The following CHD2 variants were observed in gnomAD, a reference collection of about 807,000 sequenced individuals.
The protein encoded by CHD2 is ATP-dependent chromatin remodeler CHD2.
Under a neutral mutation model 243.9 loss-of-function variants are expected in CHD2, and 28 were observed. The ratio of observed to expected loss-of-function variants is 0.11; its 90% CI spans 0.09 to 0.16. The LOEUF (loss-of-function observed/expected upper bound fraction) is 0.16. CHD2 is among the 10% of genes least tolerant of loss of function. CHD2 has a pLI of 1.00. For synonymous variants in CHD2, 775 were observed against 779.0 expected, an observed-to-expected ratio of 0.99 and a Z score of 0.09; for missense variants, 1,386 against 2,209.8, an observed-to-expected ratio of 0.63 and a Z score of 7.47.
intron 5 of CHD2, among the ~76,000 whole-genome samples, chr15:92,929,510 C>T (rs1459079077): frequency 6.6e-6 from 1 of 152,080 alleles, no homozygotes; most frequent in Admixed American, 6.5e-5. Flanking sequence ...TAAGAAATTA[C>T]ATATTGTTGT....
intron 16 of CHD2, among the ~76,000 whole-genome samples, chr15:92,966,992 C>T (rs946055284): frequency 1.3e-5 from 2 of 151,838 alleles, no homozygotes; most frequent in African/African-American, 4.8e-5. Context: ...ATTGGCAGTA[C>T]TGGCACCAGC....
chr15:92,929,176 T>G, intron 5 of CHD2, 85 bp downstream of exon 5: 2 of 1,301,458 alleles, frequency 1.5e-6, no homozygotes, highest in African/African-American at 1.5e-5. Flanking sequence ...GTGTCTTTAG[T>G]CTACTCCAGG....
intron 2 of CHD2, among the ~76,000 whole-genome samples, chr15:92,908,279 C>T (rs1158838842): frequency 6.6e-6 from 1 of 152,122 alleles, no homozygotes; most frequent in Non-Finnish European, 1.5e-5. Context: ...TATTTACAAC[C>T]AATGTCTAAT....
At chr15:92,909,185 T>C (rs182633601) in intron 2 of CHD2, among the ~76,000 whole-genome samples, 25 of 152,270 alleles carry the variant, frequency 1.6e-4, no homozygotes, top group Non-Finnish European at 2.9e-4. Flanking sequence ...CTGAATTCCT[T>C]GTAAGTGTCT....
chr15:92,972,055 A>G, intron 18 of CHD2, 128 bp downstream of exon 18: 1 of 1,105,234 alleles, frequency 9.0e-7, no homozygotes, highest in South Asian at 1.7e-5. Context: ...TAAAAATGGG[A>G]GAGAAAAGGT....
intron 2 of CHD2, among the ~76,000 whole-genome samples, chr15:92,908,737 G>C (rs2052669843): frequency 2.6e-5 from 4 of 152,172 alleles, no homozygotes; most frequent in Admixed American, 2.6e-4. Flanking sequence ...AAGTGGGATA[G>C]GATGCTGACG....
At chr15:92,914,465 A>G (rs1319061446) in intron 2 of CHD2, among the ~76,000 whole-genome samples, 3 of 152,218 alleles carry the variant, frequency 2.0e-5, no homozygotes, top group Non-Finnish European at 2.9e-5. Context: ...GTTTGGTGCT[A>G]TGGAAACTAC....
Position 92,972,451 on chromosome 15 carries a change from T to C in CHD2, c.2505+34T>C, listed in dbSNP as rs771106220. 8.4e-6 allele frequency: 13 copies of C among 1,544,310 alleles called. No homozygotes were observed. The African/African-American group carries it at 1.5e-4, about 18-fold the overall frequency. On this transcript the variant is annotated intron_variant, in intron 19 of 38. Transcript: ENST00000394196. ...ATTTCAGTAATTGCTGTGGGGGGAA[T>C]CAATCTCTCTCTCCGCCTCCCCTCC...
chr15:92,994,403 ATTATT>A, intron 28 of CHD2, among the ~76,000 whole-genome samples: 1 of 152,068 alleles, frequency 6.6e-6, no homozygotes, highest in South Asian at 2.1e-4. Context: ...ATAATAAAAA[ATTATT>A]TTATTATTCA....
rs532927514 is a variant in CHD2, at chr15:93,022,316, T to A, written c.5154-2056T>A. 4.6e-5 allele frequency among the ~76,000 whole-genome samples: 7 copies of A among 152,248 alleles called. No homozygotes were observed. The South Asian group carries it at 1.5e-3, about 32-fold the overall frequency. ...AGAGAGAGAGGAGGAGGTGCCAGCCTCTTTTAAAGCACCAGCTCTCACGTG... is the reference window on the plus strand; with the variant it reads ...AGAGAGAGAGGAGGAGGTGCCAGCCACTTTTAAAGCACCAGCTCTCACGTG... On this transcript the variant is annotated intron_variant, in intron 38 of 38. Transcript: ENST00000394196.
intron 38 of CHD2, among the ~76,000 whole-genome samples, chr15:93,023,966 A>T (rs544228297): frequency 6.7e-6 from 1 of 149,264 alleles, no homozygotes; most frequent in South Asian, 2.1e-4. Context: ...GTTGGTTTTT[A>T]AGATAATTTT....
chr15:92,958,743 A>G (rs1174144753), intron 16 of CHD2, among the ~76,000 whole-genome samples: 1 of 152,228 alleles, frequency 6.6e-6, no homozygotes, highest in Non-Finnish European at 1.5e-5. Context: ...ACTTTGAATG[A>G]ACACAACCAT....
Position 93,026,161 on chromosome 15 carries a change from A to G in CHD2, c.*1456A>G, listed in dbSNP as rs1369484608. On this transcript the variant is annotated 3_prime_UTR_variant, in exon 39 of 39. Coordinates refer to ENST00000394196, the MANE Select transcript of CHD2 (RefSeq NM_001271.4). ...CTCAGTATAGATTGCCAGTATTGTT[A>G]AGAGTATCCAAAGGCCTTTCTAGAT... The G allele has an allele frequency of 6.6e-6, 1 of 152,648 alleles. No individual in the cohort carries two copies. The highest frequency in any genetic ancestry group is 1.5e-5 in the Non-Finnish European group (1 of 68,052). 9.5% of individuals were successfully genotyped at this position (152,648 alleles called of 1,614,324 possible). A position where few individuals can be genotyped will look rare whatever the true frequency, so the allele number is the denominator to read the frequency against.
intron 3 of CHD2, among the ~76,000 whole-genome samples, chr15:92,926,207 A>C (rs1487055526): frequency 1.3e-5 from 2 of 152,174 alleles, no homozygotes; most frequent in African/African-American, 4.8e-5. Flanking sequence ...TCCTGAACTC[A>C]AGCCATTCTT....
rs1008040869 is a variant in CHD2 at position 92,953,352 on chromosome 15, T to C, written c.1503-5T>C. 4.3e-6 allele frequency: 7 copies of C among 1,609,942 alleles called. No homozygotes were observed. The African/African-American group carries it at 5.4e-5, about 12-fold the overall frequency. On this transcript the variant is annotated splice_polypyrimidine_tract_variant and splice_region_variant and intron_variant, in intron 13 of 38. Coordinates refer to ENST00000394196, the MANE Select transcript of CHD2 (RefSeq NM_001271.4). ...TTTGTTTTTATTTATTTTTTCTTTC[T>C]GCAGAAATAATAGTGTAATCCTTGC...
chr15:92,940,818 TATAA>T (rs1349777106), intron 7 of CHD2, among the ~76,000 whole-genome samples: 9 of 141,020 alleles, frequency 6.4e-5, no homozygotes, highest in Non-Finnish European at 1.1e-4. Context: ...TATAAATATA[TATAA>T]ATATTATAAA....
chr15:93,022,687 C>G (rs895350901), intron 38 of CHD2, among the ~76,000 whole-genome samples: 11 of 152,264 alleles, frequency 7.2e-5, no homozygotes, highest in Non-Finnish European at 1.5e-4. Flanking sequence ...GCACTGTCTT[C>G]TCTCATGCCA....
Position 92,971,849 on chromosome 15 carries a change from GA to G in CHD2, c.2280del (p.Lys760AsnfsTer8). On this transcript the variant is annotated frameshift_variant, in exon 18 of 39. Transcript: ENST00000394196. LOFTEE classifies it high-confidence loss of function. ...GTTTTCTTAATATTGTGATGGAACT[GA>G]AAAAATGTTGCAACCACTGCTATCT... is the stretch of plus-strand genomic sequence containing the variant. ...SGFLNIVMELKKCCNHCYLIK... is the reference protein window; with the variant it reads ...SGFLNIVMELXKCCNHCYLIK... 6.2e-7 allele frequency: 1 copy of G among 1,613,742 alleles called. No homozygotes were observed. Among genetic ancestry groups the G allele is most frequent in the Non-Finnish European group, 8.5e-7 (1 of 1,179,840 alleles).
In CHD2 at chr15:93,024,574, G is replaced by C. The variant is rs1478138067; in HGVS notation, c.5356G>C (p.Asp1786His). ...PLPPLHPAVSDPRSPPSQKSP... is the reference protein window; with the variant it reads ...PLPPLHPAVSHPRSPPSQKSP... ...ACCCCCATTGCACCCTGCAGTCTCA[G>C]ATCCTCGCTCACCCCCTTCTCAGAA... Residue 1786 changes from aspartate (D) to histidine (H), a missense_variant, in exon 39 of 39, where the codon GAT (aspartate) becomes CAT (histidine). Asp to His is a moderately conservative substitution (Grantham distance 81). Around this residue, in one of 19 missense-constraint regions of CHD2, gnomAD observed 347 missense variants for 341.6 expected, o/e 1.02. Transcript: ENST00000394196. 1 of 1,614,186 alleles carries C rather than the reference G, an allele frequency of 6.2e-7. No individual in the cohort carries two copies. Among genetic ancestry groups the C allele is most frequent in the South Asian group, 1.1e-5 (1 of 91,076 alleles).
Sources: gnomAD v4.1 joint callset for allele counts (sites outside exome capture counted in the v4.1 genomes callset) on GRCh38, gnomAD v4.1.1 for gene constraint, gnomAD v4.1.1 regional missense constraint, MANE v1.5 for transcripts, NCBI Gene and HGNC (gene_info 2026-07-23, HGNC 2026-07-21) for gene names.